The following GRIN3A variants were observed in gnomAD, a reference collection of about 807,000 sequenced individuals.
GRIN3A encodes the protein glutamate receptor ionotropic, NMDA 3A.
GRIN3A carries 47 observed loss-of-function variants against 92.4 expected under a neutral mutation model. The ratio of observed to expected loss-of-function variants is 0.51; its 90% CI spans 0.40 to 0.65. The LOEUF (loss-of-function observed/expected upper bound fraction) is 0.65. GRIN3A is among the 30% of genes least tolerant of loss of function. The pLI, the probability that GRIN3A is intolerant of heterozygous loss-of-function variation, is 0.00. For missense variants in GRIN3A, 1,324 were observed against 1,393.1 expected (o/e 0.95, Z 0.79); for synonymous variants, 527 against 540.6 (o/e 0.97, Z 0.35).
Position 101,577,750 on chromosome 9 carries a change from C to A in GRIN3A, c.3008+18G>T. ...TATTTTACAAATATAAAGACAGTTGCCATTGGCCCCTTCTTACCTCTTTTC... is the reference window on the plus strand; with the variant it reads ...TATTTTACAAATATAAAGACAGTTGACATTGGCCCCTTCTTACCTCTTTTC... On this transcript the variant is annotated intron_variant, in intron 8 of 8. Transcript: ENST00000361820. 6.4e-7 allele frequency: 1 copy of A among 1,559,308 alleles called. No individual in the cohort carries two copies. The highest frequency in any genetic ancestry group is 8.8e-7 in the Non-Finnish European group (1 of 1,130,750).
chr9:101,625,094 G>A (rs1340072903), intron 4 of GRIN3A, among the ~76,000 whole-genome samples: 1 of 152,098 alleles, frequency 6.6e-6, no homozygotes, highest in African/African-American at 2.4e-5. Flanking sequence ...AGTTTCTTGG[G>A]AACCAGAACT....
chr9:101,631,053 C>CATAT (rs1471138001), intron 3 of GRIN3A, among the ~76,000 whole-genome samples: 13 of 152,144 alleles, frequency 8.5e-5, no homozygotes, highest in Non-Finnish European at 1.6e-4. Flanking sequence ...CCTTACAGTA[C>CATAT]ATATACCTAT....
intron 2 of GRIN3A, among the ~76,000 whole-genome samples, chr9:101,674,486 C>T (rs1273085815): frequency 7.9e-6 from 1 of 126,698 alleles, no homozygotes; most frequent in Non-Finnish European, 1.8e-5. Flanking sequence ...AAAAGGAAAG[C>T]AGTGATTTAA....
At chr9:101,671,508 T>G (rs1829324474) in intron 2 of GRIN3A, among the ~76,000 whole-genome samples, 1 of 152,208 alleles carries the variant, frequency 6.6e-6, no homozygotes, top group South Asian at 2.1e-4. Flanking sequence ...CTATGTTCAA[T>G]TGTAACTACA....
At chr9:101,617,144 G>A (rs538287336) in intron 5 of GRIN3A, among the ~76,000 whole-genome samples, 19 of 146,658 alleles carry the variant, frequency 1.3e-4, no homozygotes, top group Admixed American at 1.3e-3. Context: ...AGCTTGCAGT[G>A]AGCCGAGATT....
intron 1 of GRIN3A, among the ~76,000 whole-genome samples, chr9:101,691,644 G>C (rs1468084638): frequency 6.6e-6 from 1 of 152,118 alleles, no homozygotes; most frequent in Non-Finnish European, 1.5e-5. Context: ...CAGATAAATG[G>C]TTGGAGCCAC....
intron 4 of GRIN3A, among the ~76,000 whole-genome samples, chr9:101,626,292 G>T (rs952469880): frequency 1.3e-5 from 2 of 152,100 alleles, no homozygotes; most frequent in Non-Finnish European, 2.9e-5. Context: ...TTAATTTTTT[G>T]GAAAACTGTT....
intron 1 of GRIN3A, among the ~76,000 whole-genome samples, chr9:101,728,994 C>T (rs980376442): frequency 2.0e-5 from 3 of 152,182 alleles, no homozygotes; most frequent in African/African-American, 7.2e-5. Context: ...GGGGAGACTG[C>T]TGAACCTTGA....
At chr9:101,613,591 A>G in intron 5 of GRIN3A, 64 bp from the exon 6 acceptor site, 1 of 1,531,310 alleles carries the variant, frequency 6.5e-7, no homozygotes, top group Non-Finnish European at 9.0e-7. Context: ...CCACCACAGT[A>G]CATATTTGTG....
chr9:101,726,378 A>G (rs1307887101), intron 1 of GRIN3A, among the ~76,000 whole-genome samples: 4 of 152,194 alleles, frequency 2.6e-5, no homozygotes, highest in African/African-American at 7.2e-5. Context: ...AGAAACTGAG[A>G]GAAGAGCCAT....
chr9:101,611,508 C>T lies in GRIN3A; in HGVS notation c.2766+1868G>A, dbSNP rs112555912. ...TAGGTAGACATTAATTTTGGGGGTA[C>T]GCTATTTGTCCCAGTACACTACCAA... is the stretch of plus-strand genomic sequence containing the variant. On this transcript the variant is annotated intron_variant, in intron 6 of 8. Transcript: ENST00000361820. Among the ~76,000 whole-genome samples the T allele has an allele frequency of 4.1e-4, 63 of 152,230 alleles. 1 individual carries two copies. The highest frequency in any genetic ancestry group is 1.1e-3 in the African/African-American group (47 of 41,540).
intron 3 of GRIN3A, among the ~76,000 whole-genome samples, chr9:101,630,327 T>C (rs962203038): frequency 6.6e-6 from 1 of 152,058 alleles, no homozygotes; most frequent in Non-Finnish European, 1.5e-5. Flanking sequence ...ACAACAACAA[T>C]AGAGAAACAT....
At chr9:101,734,870 C>T (rs1830182785) in intron 1 of GRIN3A, among the ~76,000 whole-genome samples, 1 of 151,948 alleles carries the variant, frequency 6.6e-6, no homozygotes, top group Non-Finnish European at 1.5e-5. Flanking sequence ...ACACAACCAA[C>T]AAATTAGGTC....
At position 101,597,314 on chromosome 9, in the gene GRIN3A, G is replaced by A. The variant is rs536426367; in HGVS notation, c.2766+16062C>T. On this transcript the variant is annotated intron_variant, in intron 6 of 8. Coordinates refer to ENST00000361820, the MANE Select transcript of GRIN3A (RefSeq NM_133445.3). The stretch of plus-strand genomic sequence containing the variant: ...TTGAACCTCATGGATGGAGCTGGTC[G>A]GGGGGAAGTGGGGGCTGGGTAGGAA... 1.4e-4 allele frequency among the ~76,000 whole-genome samples: 21 copies of A among 152,214 alleles called. No homozygotes were observed. In the East Asian group the frequency reaches 3.7e-3, roughly 27 times the overall value.
chr9:101,679,468 A>C (rs929432156), intron 2 of GRIN3A, among the ~76,000 whole-genome samples: 2 of 151,920 alleles, frequency 1.3e-5, no homozygotes, highest in African/African-American at 2.4e-5. Flanking sequence ...AGTCCCCCCG[A>C]CCCCGCCCCG....
At chr9:101,674,745 T>A (rs1829372351) in intron 2 of GRIN3A, among the ~76,000 whole-genome samples, 1 of 152,072 alleles carries the variant, frequency 6.6e-6, no homozygotes, top group African/African-American at 2.4e-5. Flanking sequence ...GGATATGAAC[T>A]CTAAACAAAT....
chr9:101,691,435 G>A (rs1374717264), intron 1 of GRIN3A, among the ~76,000 whole-genome samples: 1 of 152,110 alleles, frequency 6.6e-6, no homozygotes, highest in African/African-American at 2.4e-5. Context: ...ATTTGTAGGG[G>A]TTGGGAGAGA....
chr9:101,579,077 A>T (rs143893846), intron 7 of GRIN3A, 119 bp downstream of exon 7: 66 of 1,014,486 alleles, frequency 6.5e-5, no homozygotes, highest in Admixed American at 7.4e-5. Flanking sequence ...GAGAGTGCCT[A>T]CCCCACCCTC....
At chr9:101,577,199 G>C (rs1271412499) in intron 8 of GRIN3A, among the ~76,000 whole-genome samples, 1 of 152,172 alleles carries the variant, frequency 6.6e-6, no homozygotes, top group Non-Finnish European at 1.5e-5. Flanking sequence ...AATTAGGCAT[G>C]ACATGTCTGT....
Sources: gnomAD v4.1 joint callset for allele counts (sites outside exome capture counted in the v4.1 genomes callset) on GRCh38, gnomAD v4.1.1 for gene constraint, MANE v1.5 for transcripts, NCBI Gene and HGNC (gene_info 2026-07-23, HGNC 2026-07-21) for gene names.